Variants in PLXNC1 observed in about 807,000 individuals in gnomAD.
PLXNC1 encodes the protein plexin-C1.
In PLXNC1, 75 loss-of-function variants were observed where a neutral mutation model predicts 178.2. The ratio of observed to expected loss-of-function variants is 0.42; its 90% confidence interval spans 0.35 to 0.51. The LOEUF (loss-of-function observed/expected upper bound fraction) is 0.51, where lower values mean the gene tolerates loss of function less well. Ranked by LOEUF, PLXNC1 falls within the 20% of genes least tolerant of loss-of-function variation. The pLI is 0.02. For synonymous variants in PLXNC1, 790 were observed against 779.9 expected (o/e 1.01, Z -0.22); for missense variants, 1,503 against 1,984.4 (o/e 0.76, Z 4.61).
At chr12:94,204,964 T>C (rs1039808835) in intron 4 of PLXNC1, among the ~76,000 whole-genome samples, 1 of 152,200 alleles carries the variant, frequency 6.6e-6, no homozygotes, top group Admixed American at 6.5e-5. Context: ...GTTATCAGAT[T>C]CCTTCAGGGA....
chr12:94,257,029 A>C lies in PLXNC1; in HGVS notation c.3087+1733A>C, dbSNP rs1011752894. Among the ~76,000 whole-genome samples the C allele has an allele frequency of 2.0e-5, 3 of 152,350 alleles. No individual in the cohort carries two copies. The South Asian group carries it at 6.2e-4, about 32-fold the overall frequency. ...GGAGAGAACCCAGGAAAAAACATGC[A>C]TAAATTTGTCAGAACCCTTTCAAGA... On this transcript the variant is annotated intron_variant, in intron 17 of 30. Coordinates refer to ENST00000258526, the MANE Select transcript of PLXNC1 (RefSeq NM_005761.3).
chr12:94,297,401 T>C lies in PLXNC1; in HGVS notation c.4052T>C (p.Leu1351Pro). 1 of 1,613,220 alleles carries C rather than the reference T, an allele frequency of 6.2e-7. No homozygotes were observed. The highest frequency in any genetic ancestry group is 8.5e-7 in the Non-Finnish European group (1 of 1,179,398). Residue 1351 changes from leucine to proline, a missense_variant, in exon 26 of 31, where the codon CTG becomes CCG. This residue lies in a region of PLXNC1 where 639 missense variants were observed against 979.7 expected (regional missense o/e 0.65). Transcript: ENST00000258526. ...KHKFKVKEMYLTKLLSTKVAI... is the reference protein window; with the variant it reads ...KHKFKVKEMYPTKLLSTKVAI... ...AAGTTCAAAGTAAAAGAAATGTATC[T>C]GACAAAGCTGCTGTCGACCAAGGTA... is the stretch of plus-strand genomic sequence containing the variant.
chr12:94,255,770 G>A (rs1592817114), intron 17 of PLXNC1: 2 of 161,774 alleles, frequency 1.2e-5, no homozygotes, highest in African/African-American at 4.8e-5. Flanking sequence ...GATGGAATTG[G>A]AGTTGAAAAC....
chr12:94,262,089 C>T (rs1039755413), intron 20 of PLXNC1, among the ~76,000 whole-genome samples: 15 of 152,346 alleles, frequency 9.8e-5, no homozygotes, highest in African/African-American at 3.4e-4. Context: ...AGGACTCTCA[C>T]CCAGTTCCCT....
chr12:94,238,543 TG>T (rs1299505695), intron 10 of PLXNC1, among the ~76,000 whole-genome samples: 1 of 152,202 alleles, frequency 6.6e-6, no homozygotes, highest in African/African-American at 2.4e-5. Context: ...ACAGATTATT[TG>T]AGTTTTCTGC....
In PLXNC1 at chr12:94,248,432, C is replaced by T. The variant is rs542148039; in HGVS notation, c.2778+20C>T. On this transcript the variant is annotated intron_variant, in intron 14 of 30. Transcript: ENST00000258526. ...GTTCGGGTAAGTGACCTGGCAGTCC[C>T]ACCTGCTGTCTTTACCTGATTTTTG... The T allele has an allele frequency of 9.5e-6, 15 of 1,571,230 alleles. No individual in the cohort carries two copies. Among genetic ancestry groups the T allele is most frequent in the Non-Finnish European group, 1.2e-5 (14 of 1,156,278 alleles).
chr12:94,290,612 T>C (rs1264913756), intron 23 of PLXNC1, among the ~76,000 whole-genome samples: 1 of 152,236 alleles, frequency 6.6e-6, no homozygotes, highest in Admixed American at 6.5e-5. Context: ...TGAGGACCTC[T>C]TGAGGGCTGG....
chr12:94,184,754 A>G (rs568146301), intron 3 of PLXNC1, among the ~76,000 whole-genome samples: 8 of 152,172 alleles, frequency 5.3e-5, no homozygotes, highest in African/African-American at 1.4e-4. Flanking sequence ...GTGTGTTTAA[A>G]TAGACTGAGT....
At chr12:94,268,951 T>C (rs1965415074) in intron 21 of PLXNC1, among the ~76,000 whole-genome samples, 1 of 152,086 alleles carries the variant, frequency 6.6e-6, no homozygotes, top group Admixed American at 6.6e-5. Flanking sequence ...ATTTTGAACA[T>C]GTTTGATTTT....
intron 9 of PLXNC1, among the ~76,000 whole-genome samples, chr12:94,229,645 G>GA (rs1315825330): frequency 6.6e-6 from 1 of 151,960 alleles, no homozygotes; most frequent in Non-Finnish European, 1.5e-5. Context: ...ATCATTTGTT[G>GA]AAAAAAATGT....
At chr12:94,165,975 C>T (rs1687824862) in intron 1 of PLXNC1, among the ~76,000 whole-genome samples, 1 of 152,066 alleles carries the variant, frequency 6.6e-6, no homozygotes, top group Non-Finnish European at 1.5e-5. Context: ...CAGTGGACTT[C>T]TCACATCTCC....
chr12:94,245,065 G>A (rs553047163), intron 12 of PLXNC1, among the ~76,000 whole-genome samples: 6 of 152,162 alleles, frequency 3.9e-5, no homozygotes, highest in South Asian at 2.1e-4. Context: ...CTGATAGGCC[G>A]TCCTTACAGC....
At chr12:94,279,710 C>A in intron 22 of PLXNC1, 61 bp downstream of exon 22, 1 of 1,441,338 alleles carries the variant, frequency 6.9e-7, no homozygotes, top group Non-Finnish European at 9.7e-7. Context: ...CCTGCCTGCC[C>A]TCCCTCCCTG....
intron 28 of PLXNC1, among the ~76,000 whole-genome samples, chr12:94,303,014 T>C (rs1263741510): frequency 6.6e-6 from 1 of 152,252 alleles, no homozygotes; most frequent in Non-Finnish European, 1.5e-5. Context: ...TTCAGCCTCA[T>C]GGGCTGGGAC....
chr12:94,166,321 TATC>T (rs1961608929), intron 1 of PLXNC1, among the ~76,000 whole-genome samples: 1 of 152,180 alleles, frequency 6.6e-6, no homozygotes, highest in Non-Finnish European at 1.5e-5. Context: ...TCTGTGCTCT[TATC>T]ATCATTTCCA....
intron 5 of PLXNC1, among the ~76,000 whole-genome samples, chr12:94,213,969 C>T (rs577276714): frequency 1.6e-4 from 24 of 151,650 alleles, no homozygotes; most frequent in African/African-American, 3.4e-4. Context: ...CAGGTTCAAG[C>T]GATTCTCCTG....
rs555529042 is a variant in PLXNC1, at chr12:94,239,522, AATC to A, written c.2121-957_2121-955del. 3.9e-5 allele frequency among the ~76,000 whole-genome samples: 6 copies of A among 152,356 alleles called. No homozygotes were observed. The South Asian group carries it at 1.2e-3, about 32-fold the overall frequency. On this transcript the variant is annotated intron_variant, in intron 10 of 30. Transcript: ENST00000258526. ...AAGGGTTAGTGATAGCATTAAAGTT[AATC>A]ATCATGCACATGGCCTTTAAGTAGT...
chr12:94,253,839 A>G (rs1025523264), intron 15 of PLXNC1, among the ~76,000 whole-genome samples: 2 of 151,658 alleles, frequency 1.3e-5, no homozygotes, highest in African/African-American at 2.4e-5. Context: ...GCACCCATCT[A>G]ATTTTCTATT....
At chr12:94,176,476 G>A (rs1003907553) in intron 2 of PLXNC1, 2 of 152,160 alleles carry the variant, frequency 1.3e-5, no homozygotes, top group Non-Finnish European at 2.9e-5. Flanking sequence ...CCTTTGTGGT[G>A]AAAACTAAAA....
Sources: gnomAD v4.1 joint callset for allele counts (sites outside exome capture counted in the v4.1 genomes callset) on GRCh38, gnomAD v4.1.1 for gene constraint, gnomAD v4.1.1 regional missense constraint, MANE v1.5 for transcripts, NCBI Gene and HGNC (gene_info 2026-07-23, HGNC 2026-07-21) for gene names.